COL6A6: variants seen among roughly 807,000 people sequenced by gnomAD.
COL6A6 encodes the protein collagen alpha-6(VI) chain.
A neutral mutation model predicts 208.6 loss-of-function variants in COL6A6; 183 were observed. The observed-to-expected ratio is 0.88, with a 90% CI of 0.78 to 0.99. The LOEUF is 0.99. COL6A6 is among the 50% of genes least tolerant of loss of function. The probability of loss-of-function intolerance (pLI) is 0.00; values close to 1 mark genes in which losing one functional copy is unlikely to be tolerated. For missense variants in COL6A6, 2,816 were observed against 2,815.2 expected (o/e 1.00, Z -0.01); for synonymous variants, 973 against 1,011.8 (o/e 0.96, Z 0.73).
chr3:130,635,749 T>C lies in COL6A6; in HGVS notation c.5079T>C (p.Ala1693=), dbSNP rs185385775. ...GGPGETGLKG[A]RGKMISAGLP... ...CAGGAGAGACTGGGCTGAAGGGAGCTAGAGGCAAAATGGTAAGCTTCTTAG... is the reference window on the plus strand; with the variant it reads ...CAGGAGAGACTGGGCTGAAGGGAGCCAGAGGCAAAATGGTAAGCTTCTTAG... Residue 1693 remains alanine (A), a synonymous_variant, in exon 28 of 37, where the codon GCT becomes GCC. Coordinates refer to ENST00000358511, the MANE Select transcript of COL6A6 (RefSeq NM_001102608.3). 5.6e-6 allele frequency: 9 copies of C among 1,612,130 alleles called. No individual in the cohort carries two copies. The Admixed American group carries it at 1.0e-4, about 18-fold the overall frequency.
At chr3:130,657,972 C>T (rs2065837755) in intron 33 of COL6A6, among the ~76,000 whole-genome samples, 1 of 152,092 alleles carries the variant, frequency 6.6e-6, no homozygotes. Context: ...TGTTCAGAGC[C>T]TCCTTATCTT....
At chr3:130,523,570 A>G (rs1711208924) in intron 1 of COL6A6, among the ~76,000 whole-genome samples, 1 of 152,196 alleles carries the variant, frequency 6.6e-6, no homozygotes, top group African/African-American at 2.4e-5. Context: ...TGATGAAATT[A>G]TGGATCTGGG....
chr3:130,561,272 C>T (rs1004198339), intron 2 of COL6A6, among the ~76,000 whole-genome samples: 4 of 152,324 alleles, frequency 2.6e-5, no homozygotes, highest in Admixed American at 6.5e-5. Flanking sequence ...AAGCCACCCA[C>T]GGCAGGGCTC....
intron 20 of COL6A6, among the ~76,000 whole-genome samples, chr3:130,603,433 G>A (rs2064085543): frequency 6.6e-6 from 1 of 152,168 alleles, no homozygotes; most frequent in Non-Finnish European, 1.5e-5. Context: ...CTAATAAGCT[G>A]TTACCAGTGC....
intron 1 of COL6A6, among the ~76,000 whole-genome samples, chr3:130,547,117 C>A (rs1047481038): frequency 2.0e-5 from 3 of 152,254 alleles, no homozygotes; most frequent in Non-Finnish European, 4.4e-5. Context: ...GAGCAGGGGG[C>A]GACGCCCATC....
intron 1 of COL6A6, among the ~76,000 whole-genome samples, chr3:130,520,879 T>C (rs1711029477): frequency 6.6e-6 from 1 of 152,166 alleles, no homozygotes; most frequent in Admixed American, 6.6e-5. Flanking sequence ...TAAAAACTAA[T>C]GCATTTAACA....
In COL6A6 at chr3:130,617,116, C is replaced by G. The variant is rs575074523; in HGVS notation, c.4816-4705C>G. Among the ~76,000 whole-genome samples the G allele has an allele frequency of 2.0e-5, 3 of 152,120 alleles. No individual in the cohort carries two copies. The South Asian group carries it at 6.2e-4, about 32-fold the overall frequency. ...ACAATACGTAACCTGTAGTAATCAA[C>G]AAGTTTCATCATTCTGTATAAGCTA... On this transcript the variant is annotated intron_variant, in intron 23 of 36. Transcript: ENST00000358511.
intron 1 of COL6A6, among the ~76,000 whole-genome samples, chr3:130,558,075 A>C (rs892064362): frequency 2.0e-5 from 3 of 152,230 alleles, no homozygotes; most frequent in Non-Finnish European, 2.9e-5. Flanking sequence ...AGAGCTTACT[A>C]TGAATTTAAA....
At chr3:130,565,695 G>T (rs1318678117) in intron 4 of COL6A6, 81 bp downstream of exon 4, 1 of 1,439,578 alleles carries the variant, frequency 6.9e-7, no homozygotes, top group Non-Finnish European at 9.2e-7. Flanking sequence ...AAGTGGATTG[G>T]CTTGGGAAGA....
chr3:130,607,227 AAGT>A (rs1361628120), intron 21 of COL6A6, among the ~76,000 whole-genome samples: 3 of 152,230 alleles, frequency 2.0e-5, no homozygotes, highest in African/African-American at 7.2e-5. Context: ...CTTGGATTTT[AAGT>A]ACAAACTTGA....
chr3:130,534,488 A>G (rs753823699), intron 1 of COL6A6, among the ~76,000 whole-genome samples: 4 of 152,096 alleles, frequency 2.6e-5, no homozygotes, highest in Non-Finnish European at 4.4e-5. Context: ...CTCCTTTATG[A>G]TTTATACTTA....
At chr3:130,610,578 T>C (rs1399102492) in intron 22 of COL6A6, 71 bp from the exon 23 acceptor site, 1 of 1,112,306 alleles carries the variant, frequency 9.0e-7, no homozygotes, top group African/African-American at 1.6e-5. Flanking sequence ...GTATTTCTAC[T>C]TGTAATATTC....
intron 1 of COL6A6, among the ~76,000 whole-genome samples, chr3:130,539,632 C>CAA (rs67040926): frequency 0.63 from 86,019 of 136,808 alleles, 30,317 homozygotes; most frequent in Non-Finnish European, 0.8. Context: ...GACTCCGTCT[C>CAA]AAAAAAAAAA....
chr3:130,636,046 A>G (rs576047849), intron 28 of COL6A6, among the ~76,000 whole-genome samples: 1 of 152,346 alleles, frequency 6.6e-6, no homozygotes, highest in South Asian at 2.1e-4. Context: ...TTGTGATTCA[A>G]AACAGCTTTT....
chr3:130,565,820 T>G (rs1205532148), intron 4 of COL6A6, among the ~76,000 whole-genome samples: 1 of 152,196 alleles, frequency 6.6e-6, no homozygotes, highest in Non-Finnish European at 1.5e-5. Context: ...AGATTTCCCC[T>G]TTTAGTTCCT....
intron 24 of COL6A6, among the ~76,000 whole-genome samples, chr3:130,623,566 GACTTA>G (rs2064800522): frequency 6.6e-6 from 1 of 151,754 alleles, no homozygotes. Context: ...ACGGGGTGAG[GACTTA>G]ACTTGTGATG....
chr3:130,605,704 A>T (rs1029119692), intron 20 of COL6A6, among the ~76,000 whole-genome samples: 1 of 152,136 alleles, frequency 6.6e-6, no homozygotes, highest in African/African-American at 2.4e-5. Context: ...GTATTGGTCC[A>T]TTTTCACGCT....
At chr3:130,548,570 A>G (rs1484886706) in intron 1 of COL6A6, among the ~76,000 whole-genome samples, 1 of 152,244 alleles carries the variant, frequency 6.6e-6, no homozygotes, top group Non-Finnish European at 1.5e-5. Context: ...GTACTTGTTA[A>G]GAAGAGCAAA....
rs1272729374 is a variant in COL6A6, at chr3:130,676,986, C to A, written c.*1589C>A. 1 of 152,124 alleles carries A rather than the reference C, an allele frequency of 6.6e-6. No homozygotes were observed. The highest frequency in any genetic ancestry group is 2.4e-5 in the African/African-American group (1 of 41,432). The allele number at this position is 152,124 out of a possible 1,614,324, so 9.4% of individuals were successfully genotyped here. A position where few individuals can be genotyped will look rare whatever the true frequency, so the allele number is the denominator to read the frequency against. ...TTTCTTTTGTTAATTGTTGGAAATA[C>A]CATTAAGATGTATTTGTCTGTTTTT... is the stretch of plus-strand genomic sequence containing the variant. On this transcript the variant is annotated 3_prime_UTR_variant, in exon 37 of 37. Coordinates refer to ENST00000358511, the MANE Select transcript of COL6A6 (RefSeq NM_001102608.3).
Sources: allele counts gnomAD v4.1 joint callset (sites outside exome capture counted in the v4.1 genomes callset), GRCh38; gene constraint gnomAD v4.1.1; transcripts MANE v1.5; gene names NCBI Gene and HGNC (gene_info 2026-07-23, HGNC 2026-07-21).